ASH1L: variants seen among roughly 807,000 people sequenced by gnomAD.
The protein encoded by ASH1L is ASH1 like histone lysine methyltransferase.
A neutral mutation model predicts 269.0 loss-of-function variants in ASH1L; 23 were observed. The observed-to-expected ratio is 0.09, with a 90% confidence interval of 0.06 to 0.12. The LOEUF (loss-of-function observed/expected upper bound fraction) is 0.12, where lower values mean the gene tolerates loss of function less well. Among genes scored for constraint, ASH1L ranks in the 10% least tolerant of loss-of-function variants. The pLI is 1.00. For missense variants in ASH1L, 2,912 were observed against 3,567.8 expected (o/e 0.82, Z 4.68); for synonymous variants, 1,187 against 1,253.5 (o/e 0.95, Z 1.12).
At chr1:155,382,660 C>T (rs757992861) in intron 7 of ASH1L, among the ~76,000 whole-genome samples, 6 of 151,948 alleles carry the variant, frequency 3.9e-5, no homozygotes, top group African/African-American at 7.2e-5. Flanking sequence ...AGACATACAG[C>T]GAGAAAACAG....
intron 2 of ASH1L, among the ~76,000 whole-genome samples, chr1:155,491,434 A>C (rs1666778629): frequency 6.6e-6 from 1 of 152,058 alleles, no homozygotes; most frequent in Admixed American, 6.6e-5. Context: ...CTTATGAAAA[A>C]CTGTACTAAT....
Position 155,438,590 on chromosome 1 carries a change from T to C in ASH1L, c.5565A>G (p.Lys1855=), listed in dbSNP as rs1571217226. The change falls in exon 5 of 28, where the codon AAA becomes AAG. Residue 1855 remains lysine (K), a synonymous_variant. Transcript: ENST00000392403. ...TTGATACGACAGCCTGAAGGGGACA[T>C]TTCCGAGGTCGACCTGGCCTACGTT... ...FVKRRPGRPR[K]CPLQAVVSMQ... 6.2e-6 allele frequency: 10 copies of C among 1,614,094 alleles called. No homozygotes were observed. In the East Asian group the frequency reaches 2.2e-4, roughly 36 times the overall value.
In ASH1L at chr1:155,380,008, T is replaced by G. The variant is rs543230324; in HGVS notation, c.6177+35A>C. On this transcript the variant is annotated intron_variant, in intron 8 of 27. Coordinates refer to ENST00000392403, the MANE Select transcript of ASH1L (RefSeq NM_018489.3). ...TTTCCACCCCTCCCCCTTTACCACT[T>G]AAGAATGAAACCTGGTAAAACAGGC... is the stretch of plus-strand genomic sequence containing the variant. The G allele has an allele frequency of 1.9e-5, 28 of 1,500,982 alleles. No individual in the cohort carries two copies. The African/African-American group carries it at 3.6e-4, about 19-fold the overall frequency. The allele number at this position is 1,500,982 out of a possible 1,614,324, so 93.0% of individuals were successfully genotyped here. A position where few individuals can be genotyped will look rare whatever the true frequency, so the allele number is the denominator to read the frequency against.
In ASH1L at chr1:155,562,300, C is replaced by T; in HGVS notation, c.-247G>A. The T allele has an allele frequency of 6.3e-7, 1 of 1,595,312 alleles. No individual in the cohort carries two copies. Among genetic ancestry groups the T allele is most frequent in the South Asian group, 1.1e-5 (1 of 90,604 alleles). On this transcript the variant is annotated 5_prime_UTR_variant, in exon 1 of 28. Transcript: ENST00000392403. ...GGCGGCCAGCGGGTAAGCTGACTGG[C>T]GGAAATGCGAGAGAGGAGAAGGGAA... is the stretch of plus-strand genomic sequence containing the variant.
intron 20 of ASH1L, among the ~76,000 whole-genome samples, chr1:155,346,839 C>G (rs1202940186): frequency 6.6e-6 from 1 of 152,142 alleles, no homozygotes; most frequent in Non-Finnish European, 1.5e-5. Flanking sequence ...CTAACTTTAG[C>G]CTCCCAACAA....
chr1:155,361,630 C>T (rs975172989), intron 12 of ASH1L, among the ~76,000 whole-genome samples: 2 of 150,828 alleles, frequency 1.3e-5, no homozygotes, highest in African/African-American at 2.4e-5. Flanking sequence ...ACCCGGGAGG[C>T]GGAGGTTGCG....
intron 7 of ASH1L, among the ~76,000 whole-genome samples, chr1:155,388,715 C>CTTTTTTTTT (rs142537672): frequency 0.016 from 2,045 of 131,500 alleles, 84 homozygotes; most frequent in African/African-American, 0.059. Context: ...AATTGCGATT[C>CTTTTTTTTT]TTTTTTTTTT....
intron 1 of ASH1L, among the ~76,000 whole-genome samples, chr1:155,538,673 G>A (rs1187371539): frequency 2.3e-5 from 3 of 132,782 alleles, no homozygotes; most frequent in African/African-American, 5.6e-5. Flanking sequence ...TAATAAAGAC[G>A]GCTCTATCAT....
chr1:155,359,018 G>A (rs1317280011), intron 13 of ASH1L, among the ~76,000 whole-genome samples: 1 of 152,116 alleles, frequency 6.6e-6, no homozygotes, highest in Non-Finnish European at 1.5e-5. Flanking sequence ...TACTCAGAAG[G>A]TTATGGTGGG....
rs191272515 is a variant in ASH1L at position 155,371,643 on chromosome 1, T to A, written c.6333-660A>T. Among the ~76,000 whole-genome samples, 401 of 151,780 alleles carry A rather than the reference T, an allele frequency of 2.6e-3. 1 individual carries two copies. Among genetic ancestry groups the A allele is most frequent in the African/African-American group, 9.4e-3 (389 of 41,426 alleles). ...TCACTGTACTCTTATTTTGAAGCAC[T>A]CATGCCCATTTACTGATTTAAAAAA... On this transcript the variant is annotated intron_variant, in intron 10 of 27. Transcript: ENST00000392403.
At chr1:155,538,858 T>A (rs1298028169) in intron 1 of ASH1L, among the ~76,000 whole-genome samples, 3 of 152,126 alleles carry the variant, frequency 2.0e-5, no homozygotes, top group African/African-American at 7.2e-5. Context: ...TTAAGACTTT[T>A]AAGCTCCAGA....
At chr1:155,370,475 C>CTT (rs1402375972) in intron 12 of ASH1L, 29 bp downstream of exon 12, 1 of 1,612,242 alleles carries the variant, frequency 6.2e-7, no homozygotes, top group Admixed American at 1.7e-5. Context: ...CTGCTGGATT[C>CTT]TTGTCTTCAC....
chr1:155,352,597 G>T (rs1041367475), intron 17 of ASH1L, 109 bp downstream of exon 17: 1 of 1,146,702 alleles, frequency 8.7e-7, no homozygotes, highest in East Asian at 2.9e-5. Context: ...TTGAGCCCAG[G>T]AGTCTGAGAC....
chr1:155,338,067 A>G, intron 27 of ASH1L, 22 bp downstream of exon 27: 1 of 1,608,536 alleles, frequency 6.2e-7, no homozygotes, highest in Non-Finnish European at 8.5e-7. Context: ...TAAACCCTAG[A>G]TATGAACCTG....
intron 19 of ASH1L, 129 bp downstream of exon 19, chr1:155,349,198 G>T: frequency 1.1e-6 from 1 of 933,794 alleles, no homozygotes; most frequent in Non-Finnish European, 1.6e-6. Flanking sequence ...ATACCCCAAG[G>T]ATACTCAAAA....
upstream of ASH1L, chr1:155,563,114 C>T (rs1254320217): frequency 2.2e-6 from 1 of 457,802 alleles, no homozygotes; most frequent in Admixed American, 2.3e-5. Context: ...TCGCCTCCCT[C>T]TGCTCCTCCT....
At chr1:155,445,588 C>T (rs763219543) in intron 4 of ASH1L, among the ~76,000 whole-genome samples, 13 of 152,188 alleles carry the variant, frequency 8.5e-5, no homozygotes, top group Non-Finnish European at 1.3e-4. Context: ...CAGTGGCCTC[C>T]GAAAGTGCTG....
Position 155,357,853 on chromosome 1 carries a change from C to T in ASH1L, c.6796-104G>A, listed in dbSNP as rs1435754867. 14 of 1,119,682 alleles carry T rather than the reference C, an allele frequency of 1.3e-5. 1 individual carries two copies. Among genetic ancestry groups the T allele is most frequent in the Non-Finnish European group, 1.7e-5 (14 of 809,780 alleles). The allele number at this position is 1,119,682 out of a possible 1,614,324, so 69.4% of individuals were successfully genotyped here. ...TAGTATGATCATGGCTCACTGCAGT[C>T]TCAACCTCCTGGGCTCAACTGATCC... On this transcript the variant is annotated intron_variant, in intron 13 of 27. Coordinates refer to ENST00000392403, the MANE Select transcript of ASH1L (RefSeq NM_018489.3).
chr1:155,397,507 A>G (rs1023641350), intron 6 of ASH1L, among the ~76,000 whole-genome samples: 1 of 151,544 alleles, frequency 6.6e-6, no homozygotes, highest in African/African-American at 2.4e-5. Context: ...CAGAAAAAAA[A>G]AAAAAAAGAA....
Sources: allele counts gnomAD v4.1 joint callset (sites outside exome capture counted in the v4.1 genomes callset), GRCh38; gene constraint gnomAD v4.1.1; transcripts MANE v1.5; gene names NCBI Gene and HGNC (gene_info 2026-07-23, HGNC 2026-07-21).